The following TMEM168 variants were observed in gnomAD, a reference collection of about 807,000 sequenced individuals.
The protein encoded by TMEM168 is transmembrane protein 168.
In TMEM168, 40 loss-of-function variants were observed where a neutral mutation model predicts 53.2. The ratio of observed to expected loss-of-function variants is 0.75; its 90% CI spans 0.58 to 0.98. The LOEUF (loss-of-function observed/expected upper bound fraction) is 0.98, where lower values mean the gene tolerates loss of function less well. Among genes scored for constraint, TMEM168 ranks in the 50% least tolerant of loss-of-function variants. The pLI, the probability that TMEM168 is intolerant of heterozygous loss-of-function variation, is 0.00. For synonymous variants in TMEM168, 282 were observed against 293.0 expected (o/e 0.96, Z 0.38); for missense variants, 771 against 828.8 (o/e 0.93, Z 0.86).
At position 112,790,217 on chromosome 7, in the gene TMEM168, C is replaced by G. The variant is rs982767740; in HGVS notation, c.-186G>C. 6.5e-6 allele frequency: 1 copy of G among 152,706 alleles called. No homozygotes were observed. Among genetic ancestry groups the G allele is most frequent in the South Asian group, 2.1e-4 (1 of 4,832 alleles). The allele number at this position is 152,706 out of a possible 1,614,324, so 9.5% of individuals were successfully genotyped here. ...CAACCCTCGGAGTCAGTTCCAAAAC[C>G]AAACCAAAAAGGAGGAGAGCAGACA... On this transcript the variant is annotated 5_prime_UTR_variant, in exon 1 of 5. Transcript: ENST00000312814.
Position 112,777,503 on chromosome 7 carries a change from A to G in TMEM168, c.1129-2185T>C, listed in dbSNP as rs2116266343. ...TTCATTTCTTCCCTCTATTTTTGAG[A>G]CTCTTATAAAATATGAGATCTTCTT... On this transcript the variant is annotated intron_variant, in intron 2 of 4. Transcript: ENST00000312814. 2.0e-5 allele frequency among the ~76,000 whole-genome samples: 3 copies of G among 151,598 alleles called. No homozygotes were observed. In the East Asian group the frequency reaches 5.8e-4, roughly 29 times the overall value.
Position 112,772,777 on chromosome 7 carries a change from T to C in TMEM168, c.1546+4A>G. 1 of 1,608,428 alleles carries C rather than the reference T, an allele frequency of 6.2e-7. No individual in the cohort carries two copies. Among genetic ancestry groups the C allele is most frequent in the Non-Finnish European group, 8.5e-7 (1 of 1,175,526 alleles). On this transcript the variant is annotated splice_donor_region_variant and intron_variant, in intron 4 of 4. Transcript: ENST00000312814. ...AATAGTGAAACTGCCAAAGGTGAGT[T>C]TACCTGCTAGAGCCCACTCTCCTGT...
intron 3 of TMEM168, among the ~76,000 whole-genome samples, chr7:112,773,793 G>A (rs1792995598): frequency 6.6e-6 from 1 of 151,976 alleles, no homozygotes; most frequent in African/African-American, 2.4e-5. Context: ...GAAAACGTTA[G>A]ATTTTGCTTC....
At chr7:112,779,298 T>C (rs765492559) in intron 2 of TMEM168, among the ~76,000 whole-genome samples, 2 of 152,220 alleles carry the variant, frequency 1.3e-5, no homozygotes, top group Non-Finnish European at 2.9e-5. Context: ...AATATTCTAT[T>C]ATGATCACAC....
chr7:112,783,354 T>C (rs1208623330), intron 2 of TMEM168, among the ~76,000 whole-genome samples: 1 of 152,240 alleles, frequency 6.6e-6, no homozygotes, highest in Non-Finnish European at 1.5e-5. Flanking sequence ...GGCTTTCAGT[T>C]TCCTCATGGG....
chr7:112,767,165 G>A lies in TMEM168; in HGVS notation c.*32C>T. On this transcript the variant is annotated 3_prime_UTR_variant, in exon 5 of 5. Coordinates refer to ENST00000312814, the MANE Select transcript of TMEM168 (RefSeq NM_022484.6). ...AAGTTAGTGATAATTGGTAGTATGA[G>A]TGCTTATTAATATCCCGCTTTGGGG... 6.3e-7 allele frequency: 1 copy of A among 1,576,042 alleles called. No individual in the cohort carries two copies. Among genetic ancestry groups the A allele is most frequent in the Non-Finnish European group, 8.6e-7 (1 of 1,163,038 alleles).
chr7:112,781,223 TAAC>T (rs1160460164), intron 2 of TMEM168, among the ~76,000 whole-genome samples: 2 of 151,666 alleles, frequency 1.3e-5, no homozygotes, highest in East Asian at 3.9e-4. Flanking sequence ...GACAGAAAAT[TAAC>T]AAGGCTATAG....
intron 1 of TMEM168, among the ~76,000 whole-genome samples, chr7:112,786,760 T>C (rs1473383043): frequency 6.6e-6 from 1 of 152,186 alleles, no homozygotes; most frequent in Non-Finnish European, 1.5e-5. Context: ...GGTGCCACTC[T>C]AAATCCATGG....
At chr7:112,786,994 T>C (rs1793399135) in intron 1 of TMEM168, among the ~76,000 whole-genome samples, 1 of 152,190 alleles carries the variant, frequency 6.6e-6, no homozygotes. Flanking sequence ...TGCTTCTCTA[T>C]CTAAGGCTAA....
At chr7:112,779,323 T>C (rs1793171131) in intron 2 of TMEM168, among the ~76,000 whole-genome samples, 2 of 152,244 alleles carry the variant, frequency 1.3e-5, no homozygotes, top group African/African-American at 2.4e-5. Flanking sequence ...GTTAGTATTT[T>C]GGCAATACAA....
rs542439382 is a variant in TMEM168 at position 112,787,447 on chromosome 7, T to C, written c.-128-2494A>G. Among the ~76,000 whole-genome samples the C allele has an allele frequency of 2.0e-5, 3 of 152,296 alleles. No homozygotes were observed. The East Asian group carries it at 5.8e-4, about 29-fold the overall frequency. On this transcript the variant is annotated intron_variant, in intron 1 of 4. Coordinates refer to ENST00000312814, the MANE Select transcript of TMEM168 (RefSeq NM_022484.6). ...CAGGCTGGAGTGCAATGGCAGGATC[T>C]TGGCTCACTGCAACCTCCGACTATC...
In TMEM168 at chr7:112,772,634, T is replaced by C. The variant is rs892704878; in HGVS notation, c.1546+147A>G. 12 of 817,278 alleles carry C rather than the reference T, an allele frequency of 1.5e-5. No homozygotes were observed. The East Asian group carries it at 1.8e-4, about 13-fold the overall frequency. The allele number at this position is 817,278 out of a possible 1,614,324, so 50.6% of individuals were successfully genotyped here. A position where few individuals can be genotyped will look rare whatever the true frequency, so the allele number is the denominator to read the frequency against. ...GAGATTAAATTAGGCTAAACAGGTA[T>C]GCTAGAGCAAAGAAAAACAAATTAG... is the stretch of plus-strand genomic sequence containing the variant. On this transcript the variant is annotated intron_variant, in intron 4 of 4. Transcript: ENST00000312814.
Position 112,783,775 on chromosome 7 carries a change from G to T in TMEM168, c.1051C>A (p.His351Asn). The change falls in exon 2 of 5, where the codon CAT (histidine) becomes AAT (asparagine). Residue 351 changes from histidine to asparagine, a missense_variant. Physicochemically the swap from His to Asn is moderately conservative, Grantham distance 68. Transcript: ENST00000312814. ...AACTGCTCTGAAATCAAGCAAAAAT[G>T]GCGCATCCCTTTGGATGCCATGATT... ...DRIMASKGMR[H>N]FCLISEQLVF... is the part of the protein sequence containing the mutation. 6.3e-7 allele frequency: 1 copy of T among 1,584,038 alleles called. No individual in the cohort carries two copies. The highest frequency in any genetic ancestry group is 1.2e-5 in the South Asian group (1 of 84,624).
rs770676600 is a variant in TMEM168, at chr7:112,783,760, A to T, written c.1066T>A (p.Ser356Thr). 1 of 1,579,138 alleles carries T rather than the reference A, an allele frequency of 6.3e-7. No homozygotes were observed. The highest frequency in any genetic ancestry group is 8.6e-7 in the Non-Finnish European group (1 of 1,165,714). Residue 356 changes from serine to threonine, a missense_variant, in exon 2 of 5, where the codon TCA (serine) becomes ACA (threonine). Coordinates refer to ENST00000312814, the MANE Select transcript of TMEM168 (RefSeq NM_022484.6). Reference sequence around the variant, plus strand: ...AGACTAAAGAACACCAACTGCTCTGAAATCAAGCAAAAATGGCGCATCCCT... The same window carrying T: ...AGACTAAAGAACACCAACTGCTCTGTAATCAAGCAAAAATGGCGCATCCCT... ...SKGMRHFCLI[S>T]EQLVFFSLLA...
intron 1 of TMEM168, among the ~76,000 whole-genome samples, chr7:112,786,414 CA>C (rs1793381456): frequency 6.6e-6 from 1 of 152,088 alleles, no homozygotes; most frequent in Non-Finnish European, 1.5e-5. Flanking sequence ...TCAACAAGCA[CA>C]TTTTTTTTTA....
At chr7:112,777,698 C>A (rs886831538) in intron 2 of TMEM168, among the ~76,000 whole-genome samples, 2 of 152,124 alleles carry the variant, frequency 1.3e-5, no homozygotes, top group African/African-American at 4.8e-5. Context: ...ATTTCCTGAT[C>A]TAAATTTCTA....
chr7:112,779,505 C>G (rs1480874217), intron 2 of TMEM168, among the ~76,000 whole-genome samples: 1 of 152,170 alleles, frequency 6.6e-6, no homozygotes. Flanking sequence ...GTACTCCTTA[C>G]ACCTTAATTC....
intron 2 of TMEM168, among the ~76,000 whole-genome samples, chr7:112,781,915 A>G (rs761871032): frequency 2.0e-4 from 30 of 151,984 alleles, no homozygotes; most frequent in Non-Finnish European, 3.8e-4. Context: ...ACTCTTGAAA[A>G]CTCTTCAAAA....
At position 112,766,552 on chromosome 7, in the gene TMEM168, C is replaced by G. The variant is rs1219018412; in HGVS notation, c.*645G>C. ...AACGCATGGAAGAGCAACTTGTAGG[C>G]TCTAGCCTTTTAACAATACCTACAT... On this transcript the variant is annotated 3_prime_UTR_variant, in exon 5 of 5. Coordinates refer to ENST00000312814, the MANE Select transcript of TMEM168 (RefSeq NM_022484.6). 6.6e-6 allele frequency: 1 copy of G among 152,638 alleles called. No homozygotes were observed. Among genetic ancestry groups the G allele is most frequent in the African/African-American group, 2.4e-5 (1 of 41,446 alleles). The allele number at this position is 152,638 out of a possible 1,614,324, so 9.5% of individuals were successfully genotyped here.
Sources: gnomAD v4.1 joint callset for allele counts (sites outside exome capture counted in the v4.1 genomes callset) on GRCh38, gnomAD v4.1.1 for gene constraint, MANE v1.5 for transcripts, NCBI Gene and HGNC (gene_info 2026-07-23, HGNC 2026-07-21) for gene names.